PRKCE: variants seen among roughly 807,000 people sequenced by gnomAD.
PRKCE encodes protein kinase C epsilon type.
In PRKCE, 16 loss-of-function variants were observed where a neutral mutation model predicts 85.4. The ratio of observed to expected loss-of-function variants is 0.19; its 90% CI spans 0.13 to 0.28. The LOEUF is 0.28. Ranked by LOEUF, PRKCE falls within the 10% of genes least tolerant of loss-of-function variation. The probability of loss-of-function intolerance (pLI) is 1.00; values close to 1 mark genes in which losing one functional copy is unlikely to be tolerated. For synonymous variants in PRKCE, 388 were observed against 371.5 expected, an observed-to-expected ratio of 1.04 and a Z score of -0.51; for missense variants, 573 against 975.2, an observed-to-expected ratio of 0.59 and a Z score of 5.49.
chr2:46,015,631 A>G (rs1288166862), intron 10 of PRKCE, among the ~76,000 whole-genome samples: 1 of 151,684 alleles, frequency 6.6e-6, no homozygotes, highest in African/African-American at 2.4e-5. Flanking sequence ...GAGTGTTAAC[A>G]ACGTAGGAGC....
chr2:45,882,876 A>G (rs1003433111), intron 2 of PRKCE, among the ~76,000 whole-genome samples: 4 of 152,250 alleles, frequency 2.6e-5, no homozygotes, highest in African/African-American at 9.6e-5. Flanking sequence ...AGGACAAGCA[A>G]GCAGGCTCCC....
intron 1 of PRKCE, among the ~76,000 whole-genome samples, chr2:45,710,945 G>A (rs1230620220): frequency 6.6e-6 from 1 of 152,226 alleles, no homozygotes; most frequent in East Asian, 1.9e-4. Flanking sequence ...TTAACATGGG[G>A]TGGGAAAAAT....
chr2:45,785,475 A>T (rs911941373), intron 1 of PRKCE, among the ~76,000 whole-genome samples: 1 of 151,716 alleles, frequency 6.6e-6, no homozygotes, highest in Non-Finnish European at 1.5e-5. Context: ...TGGGTGACAG[A>T]TGAGACTCCC....
At chr2:46,151,280 T>TACACACACACACAAAC (rs1676599769) in intron 13 of PRKCE, 51 bp downstream of exon 13, 1 of 535,596 alleles carries the variant, frequency 1.9e-6, no homozygotes, top group Non-Finnish European at 3.0e-6. Flanking sequence ...CTCCTCCCCC[T>TACACACACACACAAAC]ACACACACAC....
rs1159535670 is a variant in PRKCE, at chr2:45,661,533, T to TG, written c.348+9085_348+9086insG. Among the ~76,000 whole-genome samples the TG allele has an allele frequency of 1.6e-4, 20 of 127,566 alleles. 2 individuals carry two copies. Among genetic ancestry groups the TG allele is most frequent in the East Asian group, 4.4e-4 (2 of 4,502 alleles). 83.7% of individuals were successfully genotyped at this position (127,566 alleles called of 152,430 possible). A position where few individuals can be genotyped will look rare whatever the true frequency, so the allele number is the denominator to read the frequency against. ...TTTGTTTTGTTTTTTGTTTTTTGTTTTTTTTTTTTTTTTTAGAAGGAGTCT... is the reference window on the plus strand; with the variant it reads ...TTTGTTTTGTTTTTTGTTTTTTGTTTGTTTTTTTTTTTTTTAGAAGGAGTCT... On this transcript the variant is annotated intron_variant, in intron 1 of 14. Coordinates refer to ENST00000306156, the MANE Select transcript of PRKCE (RefSeq NM_005400.3).
intron 10 of PRKCE, among the ~76,000 whole-genome samples, chr2:46,077,285 G>A (rs1574408945): frequency 6.6e-6 from 1 of 152,088 alleles, no homozygotes. Context: ...TTGTGGTGAT[G>A]GTTTCATGGG....
intron 10 of PRKCE, among the ~76,000 whole-genome samples, chr2:46,033,170 G>A (rs1707645170): frequency 6.6e-6 from 1 of 152,200 alleles, no homozygotes; most frequent in Non-Finnish European, 1.5e-5. Context: ...GAGAAAAGGT[G>A]AACCAAACAT....
chr2:46,055,355 G>T (rs1047508832), intron 10 of PRKCE, among the ~76,000 whole-genome samples: 1 of 152,238 alleles, frequency 6.6e-6, no homozygotes, highest in African/African-American at 2.4e-5. Context: ...GGGACCAGGT[G>T]AGTGGAGTCT....
At chr2:46,137,553 C>A (rs958676231) in intron 11 of PRKCE, among the ~76,000 whole-genome samples, 15 of 150,532 alleles carry the variant, frequency 1.0e-4, no homozygotes, top group African/African-American at 3.4e-4. Flanking sequence ...GAGTTCGAGA[C>A]CAGCCTGACC....
chr2:45,858,665 C>T (rs141672055), intron 2 of PRKCE, among the ~76,000 whole-genome samples: 284 of 152,288 alleles, frequency 1.9e-3, no homozygotes, highest in African/African-American at 6.7e-3. Flanking sequence ...TATTTTCTTG[C>T]ATTTCTTTAT....
chr2:45,813,143 C>A (rs1688771782), intron 1 of PRKCE, among the ~76,000 whole-genome samples: 1 of 152,162 alleles, frequency 6.6e-6, no homozygotes, highest in Non-Finnish European at 1.5e-5. Flanking sequence ...GGGAATTCTG[C>A]ATGATCTCAT....
chr2:45,953,608 G>A (rs1036858323), intron 2 of PRKCE, among the ~76,000 whole-genome samples: 1 of 152,186 alleles, frequency 6.6e-6, no homozygotes, highest in African/African-American at 2.4e-5. Context: ...CTTGATCAGT[G>A]CGGTTGTCCC....
chr2:45,923,455 C>T (rs543135555), intron 2 of PRKCE, among the ~76,000 whole-genome samples: 8 of 152,260 alleles, frequency 5.3e-5, no homozygotes, highest in African/African-American at 1.9e-4. Flanking sequence ...ATGCCAAGTG[C>T]GGTCAATAGT....
At chr2:45,782,212 C>A (rs755426878) in intron 1 of PRKCE, among the ~76,000 whole-genome samples, 4 of 152,142 alleles carry the variant, frequency 2.6e-5, no homozygotes, top group Non-Finnish European at 5.9e-5. Context: ...TACCAAGCCT[C>A]CTCTCGTCCA....
Position 45,957,660 on chromosome 2 carries a change from A to G in PRKCE, c.413-18769A>G, listed in dbSNP as rs2104389116. Among the ~76,000 whole-genome samples, 3 of 151,976 alleles carry G rather than the reference A, an allele frequency of 2.0e-5. 1 individual carries two copies. Among genetic ancestry groups the G allele is most frequent in the Admixed American group, 2.0e-4 (3 of 15,262 alleles). ...ATGGTGGCTCATGCCTGGAATTTGG[A>G]AGCACTTTCGGAGGCCAAGGTGGAA... On this transcript the variant is annotated intron_variant, in intron 2 of 14. Coordinates refer to ENST00000306156, the MANE Select transcript of PRKCE (RefSeq NM_005400.3).
intron 10 of PRKCE, among the ~76,000 whole-genome samples, chr2:46,015,092 G>T (rs560038532): frequency 3.9e-4 from 59 of 152,284 alleles, no homozygotes; most frequent in Admixed American, 3.1e-3. Flanking sequence ...TTATTGGACT[G>T]CTAGGCTCTA....
intron 11 of PRKCE, among the ~76,000 whole-genome samples, chr2:46,133,855 G>A (rs1256226325): frequency 6.6e-6 from 1 of 152,204 alleles, no homozygotes; most frequent in African/African-American, 2.4e-5. Context: ...TTGTAGAGGA[G>A]CTGACCAAAG....
chr2:45,677,830 A>G, intron 1 of PRKCE: 1 of 985,448 alleles, frequency 1.0e-6, no homozygotes, highest in Non-Finnish European at 1.2e-6. Flanking sequence ...ATTCTGTTTC[A>G]GAGACACAAC....
intron 1 of PRKCE, among the ~76,000 whole-genome samples, chr2:45,783,215 A>G (rs565083953): frequency 8.5e-5 from 13 of 152,288 alleles, no homozygotes; most frequent in Non-Finnish European, 1.5e-4. Flanking sequence ...ACGCACAGCC[A>G]TCTCAAAACT....
Sources: gnomAD v4.1 joint callset for allele counts (sites outside exome capture counted in the v4.1 genomes callset) on GRCh38, gnomAD v4.1.1 for gene constraint, MANE v1.5 for transcripts, NCBI Gene and HGNC (gene_info 2026-07-23, HGNC 2026-07-21) for gene names.